Variants in DPYD observed in about 807,000 individuals in gnomAD.
DPYD encodes dihydropyrimidine dehydrogenase [NADP(+)].
In DPYD, 109 loss-of-function variants were observed where a neutral mutation model predicts 116.2. The observed-to-expected ratio is 0.94, with a 90% CI of 0.80 to 1.10. The LOEUF is 1.10. Ranked by LOEUF, DPYD falls within the 50% of genes least tolerant of loss-of-function variation. DPYD has a pLI of 0.00. For missense variants in DPYD, 1,302 were observed against 1,254.5 expected, an observed-to-expected ratio of 1.04 and a Z score of -0.57; for synonymous variants, 440 against 432.0, an observed-to-expected ratio of 1.02 and a Z score of -0.23.
At chr1:97,477,697 T>C (rs1379498722) in intron 13 of DPYD, among the ~76,000 whole-genome samples, 1 of 148,120 alleles carries the variant, frequency 6.8e-6, no homozygotes, top group East Asian at 2.0e-4. Flanking sequence ...CTCGGCTCAC[T>C]GCAAGCTCTG....
chr1:97,152,383 C>T (rs949462752), intron 20 of DPYD, among the ~76,000 whole-genome samples: 1 of 151,578 alleles, frequency 6.6e-6, no homozygotes, highest in East Asian at 1.9e-4. Flanking sequence ...GTGTAAAATG[C>T]AAAGGTGCGA....
chr1:97,557,296 C>T (rs1401637903), intron 11 of DPYD, among the ~76,000 whole-genome samples: 1 of 149,108 alleles, frequency 6.7e-6, no homozygotes, highest in Non-Finnish European at 1.5e-5. Context: ...TTTTCTATTC[C>T]CTTTTTCTTT....
intron 16 of DPYD, among the ~76,000 whole-genome samples, chr1:97,325,885 G>A (rs970140992): frequency 7.2e-5 from 11 of 151,862 alleles, no homozygotes; most frequent in African/African-American, 2.7e-4. Flanking sequence ...GAGGAGACAT[G>A]TCCACATGGT....
chr1:97,847,034 T>C (rs1437169061), intron 2 of DPYD, among the ~76,000 whole-genome samples: 6 of 152,226 alleles, frequency 3.9e-5, no homozygotes, highest in Non-Finnish European at 8.8e-5. Flanking sequence ...CCACTTACAC[T>C]TTGGAACTTT....
chr1:97,351,749 T>C lies in DPYD; in HGVS notation c.2058+21812A>G, dbSNP rs115731436. On this transcript the variant is annotated intron_variant, in intron 16 of 22. Coordinates refer to ENST00000370192, the MANE Select transcript of DPYD (RefSeq NM_000110.4). ...ATAGGGAGAGAAACAAAATCAAACG[T>C]GTTTCAGGAGAAACAGGATTAGAAA... Among the ~76,000 whole-genome samples the C allele has an allele frequency of 3.4e-3, 525 of 152,182 alleles. 3 individuals carry two copies. The highest frequency in any genetic ancestry group is 0.012 in the African/African-American group (509 of 41,554).
At chr1:97,675,963 G>A (rs959980950) in intron 8 of DPYD, among the ~76,000 whole-genome samples, 5 of 151,940 alleles carry the variant, frequency 3.3e-5, no homozygotes, top group Admixed American at 3.3e-4. Context: ...TGGCCAGGAT[G>A]GTCTCGATCT....
intron 3 of DPYD, among the ~76,000 whole-genome samples, chr1:97,760,838 C>T (rs570170663): frequency 6.6e-6 from 1 of 152,234 alleles, no homozygotes; most frequent in Admixed American, 6.5e-5. Context: ...GACCAAACGT[C>T]CCCTGCCTCA....
intron 14 of DPYD, among the ~76,000 whole-genome samples, chr1:97,447,016 A>G (rs1379212609): frequency 2.0e-5 from 3 of 152,142 alleles, no homozygotes; most frequent in Non-Finnish European, 1.5e-5. Flanking sequence ...AACTGTGACA[A>G]TTCAGAGATG....
At chr1:97,671,880 TTTC>T (rs1254583825) in intron 8 of DPYD, among the ~76,000 whole-genome samples, 1 of 150,548 alleles carries the variant, frequency 6.6e-6, no homozygotes, top group Non-Finnish European at 1.5e-5. Context: ...AAACTTTTCT[TTTC>T]TTTTCTTTTG....
At chr1:97,588,915 T>C (rs1453515558) in intron 10 of DPYD, among the ~76,000 whole-genome samples, 2 of 151,290 alleles carry the variant, frequency 1.3e-5, no homozygotes, top group Admixed American at 1.3e-4. Flanking sequence ...AGCACACTGT[T>C]TGTGACTCTA....
At chr1:97,113,183 T>C (rs1490085804) in intron 20 of DPYD, among the ~76,000 whole-genome samples, 3 of 152,130 alleles carry the variant, frequency 2.0e-5, no homozygotes, top group African/African-American at 7.2e-5. Context: ...ATAATACATA[T>C]ATGGTATCTA....
chr1:97,109,864 T>C (rs1403119305), intron 20 of DPYD, among the ~76,000 whole-genome samples: 1 of 151,754 alleles, frequency 6.6e-6, no homozygotes, highest in African/African-American at 2.4e-5. Context: ...ATATAAAAAA[T>C]ATCTTTCTAA....
At chr1:97,520,826 T>G (rs778514580) in intron 12 of DPYD, among the ~76,000 whole-genome samples, 1 of 152,182 alleles carries the variant, frequency 6.6e-6, no homozygotes, top group African/African-American at 2.4e-5. Context: ...GGAGGCTGCG[T>G]AGTATTCCAT....
rs1266206523 is a variant in DPYD, at chr1:97,357,346, T to C, written c.2058+16215A>G. Among the ~76,000 whole-genome samples the C allele has an allele frequency of 7.2e-5, 11 of 151,932 alleles. No homozygotes were observed. In the South Asian group the frequency reaches 1.5e-3, roughly 20 times the overall value. On this transcript the variant is annotated intron_variant, in intron 16 of 22. Coordinates refer to ENST00000370192, the MANE Select transcript of DPYD (RefSeq NM_000110.4). ...TTTTGTATGCTGCAACTGTGCTGTG[T>C]TAATTTATTAGTTCTAACAGTGTTT...
At chr1:97,767,216 G>A (rs1034527439) in intron 3 of DPYD, among the ~76,000 whole-genome samples, 4 of 152,078 alleles carry the variant, frequency 2.6e-5, no homozygotes, top group Admixed American at 6.6e-5. Context: ...CAATTTCTGG[G>A]TTTGGATTGG....
At chr1:97,133,706 T>C (rs1653506395) in intron 20 of DPYD, among the ~76,000 whole-genome samples, 1 of 151,786 alleles carries the variant, frequency 6.6e-6, no homozygotes, top group Admixed American at 6.6e-5. Flanking sequence ...TTATTTAAAA[T>C]TATATTGTAG....
At chr1:97,299,475 A>C (rs903987669) in intron 18 of DPYD, among the ~76,000 whole-genome samples, 2 of 152,182 alleles carry the variant, frequency 1.3e-5, no homozygotes, top group Middle Eastern at 3.4e-3. Context: ...GGTACCCATG[A>C]ATTTGTTGGC....
chr1:97,637,472 G>C (rs1043289709), intron 8 of DPYD, among the ~76,000 whole-genome samples: 2 of 151,300 alleles, frequency 1.3e-5, no homozygotes, highest in African/African-American at 4.9e-5. Flanking sequence ...CCCAGACACT[G>C]AACATAAGAG....
At chr1:97,466,949 G>C (rs570544202) in intron 13 of DPYD, among the ~76,000 whole-genome samples, 11 of 152,148 alleles carry the variant, frequency 7.2e-5, no homozygotes, top group Non-Finnish European at 1.6e-4. Flanking sequence ...GTGGGGGGTG[G>C]AGGGTGGGAG....
Sources: allele counts gnomAD v4.1 joint callset (sites outside exome capture counted in the v4.1 genomes callset), GRCh38; gene constraint gnomAD v4.1.1; transcripts MANE v1.5; gene names NCBI Gene and HGNC (gene_info 2026-07-23, HGNC 2026-07-21).